The following SH3BP5 variants were observed in gnomAD, a reference collection of about 807,000 sequenced individuals.
SH3BP5 encodes SH3 domain binding protein 5, also known as SH3 domain-binding protein 5.
A neutral mutation model predicts 43.3 loss-of-function variants in SH3BP5; 22 were observed. That is an observed-to-expected ratio of 0.51 (90% CI 0.36 to 0.73). The LOEUF (loss-of-function observed/expected upper bound fraction) is 0.73, where lower values mean the gene tolerates loss of function less well. Among genes scored for constraint, SH3BP5 ranks in the 30% least tolerant of loss-of-function variants. SH3BP5 has a pLI of 0.00. For synonymous variants in SH3BP5, 255 were observed against 225.8 expected, an observed-to-expected ratio of 1.13 and a Z score of -1.16; for missense variants, 529 against 586.9, an observed-to-expected ratio of 0.90 and a Z score of 1.02.
At chr3:15,330,620 C>G in intron 1 of SH3BP5, 54 bp from the exon 2 acceptor site, 2 of 1,466,528 alleles carry the variant, frequency 1.4e-6, no homozygotes, top group Non-Finnish European at 1.8e-6. Flanking sequence ...CTTTTGTTTC[C>G]AATATAACTC....
intron 5 of SH3BP5, 90 bp from the exon 6 acceptor site, chr3:15,259,893 A>C: frequency 8.5e-7 from 1 of 1,176,694 alleles, no homozygotes; most frequent in Non-Finnish European, 1.3e-6. Flanking sequence ...ATCAGCTACC[A>C]CTGGCCAGGT....
At chr3:15,328,758 A>T (rs1423845482) in intron 2 of SH3BP5, among the ~76,000 whole-genome samples, 2 of 152,164 alleles carry the variant, frequency 1.3e-5, no homozygotes, top group African/African-American at 4.8e-5. Context: ...GCCTGGGAGT[A>T]TAAGATGGGA....
chr3:15,274,180 A>G (rs1696895054), intron 3 of SH3BP5, among the ~76,000 whole-genome samples: 1 of 152,004 alleles, frequency 6.6e-6, no homozygotes, highest in Admixed American at 6.6e-5. Flanking sequence ...CAGGAGGCGG[A>G]GGTTGCAGTG....
At chr3:15,270,349 T>C (rs1696764482) in intron 3 of SH3BP5, among the ~76,000 whole-genome samples, 1 of 152,170 alleles carries the variant, frequency 6.6e-6, no homozygotes, top group African/African-American at 2.4e-5. Context: ...ACACAGCCTT[T>C]CCTGAGATCA....
chr3:15,321,812 CAAAAA>C lies in SH3BP5; in HGVS notation c.201+8687_201+8691del, dbSNP rs35283423. Among the ~76,000 whole-genome samples, 9 of 132,260 alleles carry C rather than the reference CAAAAA, an allele frequency of 6.8e-5. 1 individual carries two copies. The South Asian group carries it at 2.2e-3, about 32-fold the overall frequency. The allele number at this position is 132,260 out of a possible 152,430, so 86.8% of individuals were successfully genotyped here. A position where few individuals can be genotyped will look rare whatever the true frequency, so the allele number is the denominator to read the frequency against. ...CCTGGATGTCACAACATCAAATTGC[CAAAAA>C]AAAAAAAAAAATCTAAAGTCTTACT... On this transcript the variant is annotated intron_variant, in intron 2 of 8. Transcript: ENST00000383791.
chr3:15,283,350 T>C (rs1222671260), intron 3 of SH3BP5, among the ~76,000 whole-genome samples: 3 of 152,158 alleles, frequency 2.0e-5, no homozygotes, highest in Non-Finnish European at 4.4e-5. Flanking sequence ...TAAGCCGAGA[T>C]TGCACCACTG....
chr3:15,290,986 T>G (rs1302538520), intron 3 of SH3BP5, among the ~76,000 whole-genome samples: 1 of 152,050 alleles, frequency 6.6e-6, no homozygotes, highest in Non-Finnish European at 1.5e-5. Flanking sequence ...AGAAGATTCT[T>G]CAGAAGAGAC....
At position 15,255,859 on chromosome 3, in the gene SH3BP5, G is replaced by A. The variant is rs970785989; in HGVS notation, c.*227C>T. On this transcript the variant is annotated 3_prime_UTR_variant, in exon 9 of 9. Transcript: ENST00000383791. Reference sequence around the variant, plus strand: ...TTATACGGAATGTTCCACAAAGGCTGTGAACCTAGTCACAGTCTACCCACA... The same window carrying A: ...TTATACGGAATGTTCCACAAAGGCTATGAACCTAGTCACAGTCTACCCACA... 15 of 522,554 alleles carry A rather than the reference G, an allele frequency of 2.9e-5. No homozygotes were observed. Among genetic ancestry groups the A allele is most frequent in the African/African-American group, 2.3e-4 (12 of 52,610 alleles). The allele number at this position is 522,554 out of a possible 1,614,324, so 32.4% of individuals were successfully genotyped here. A position where few individuals can be genotyped will look rare whatever the true frequency, so the allele number is the denominator to read the frequency against.
At chr3:15,338,375 C>T (rs372686369) in intron 1 of SH3BP5, among the ~76,000 whole-genome samples, 3 of 152,284 alleles carry the variant, frequency 2.0e-5, no homozygotes, top group African/African-American at 4.8e-5. Flanking sequence ...TTAAATGCTT[C>T]GTAACTACCT....
Position 15,329,834 on chromosome 3 carries a change from A to T in SH3BP5, c.201+670T>A, listed in dbSNP as rs528259490. Among the ~76,000 whole-genome samples, 633 of 152,332 alleles carry T rather than the reference A, an allele frequency of 4.2e-3. 1 individual carries two copies. Among genetic ancestry groups the T allele is most frequent in the Non-Finnish European group, 7.3e-3 (497 of 68,038 alleles). On this transcript the variant is annotated intron_variant, in intron 2 of 8. Coordinates refer to ENST00000383791, the MANE Select transcript of SH3BP5 (RefSeq NM_004844.5). Reference sequence around the variant, plus strand: ...GGGTGGTAAAAGCAACCACTACTGGAAAGGGGTGGGAACTAATCGGAGGCT... The same window carrying T: ...GGGTGGTAAAAGCAACCACTACTGGTAAGGGGTGGGAACTAATCGGAGGCT...
rs757535980 is a variant in SH3BP5, at chr3:15,259,743, G to GC, written c.669+17dup. On this transcript the variant is annotated intron_variant, in intron 6 of 8. Transcript: ENST00000383791. Reference sequence around the variant, plus strand: ...GCAGAAAAATCTCATCAGTGACGAAGCCCAAAGCTACACATACCTCGAGCT... The same window carrying GC: ...GCAGAAAAATCTCATCAGTGACGAAGCCCCAAAGCTACACATACCTCGAGCT... 20 of 1,613,230 alleles carry GC rather than the reference G, an allele frequency of 1.2e-5. 1 individual carries two copies. In the South Asian group the frequency reaches 2.1e-4, roughly 17 times the overall value.
intron 1 of SH3BP5, chr3:15,331,721 G>A (rs1471230407): frequency 6.6e-6 from 1 of 152,416 alleles, no homozygotes; most frequent in Non-Finnish European, 1.5e-5. Context: ...AGCCAGTGAT[G>A]ACAATAAGCC....
intron 2 of SH3BP5, among the ~76,000 whole-genome samples, chr3:15,329,586 C>T (rs1478416967): frequency 6.6e-6 from 1 of 152,176 alleles, no homozygotes; most frequent in African/African-American, 2.4e-5. Flanking sequence ...ATCAAGGCTG[C>T]CAGTGAATCC....
At chr3:15,281,777 T>G (rs1372520511) in intron 3 of SH3BP5, among the ~76,000 whole-genome samples, 2 of 152,036 alleles carry the variant, frequency 1.3e-5, no homozygotes, top group Admixed American at 6.6e-5. Context: ...CTGAGGCAGG[T>G]GGATTACATG....
chr3:15,308,712 T>C (rs1032935038), intron 2 of SH3BP5, among the ~76,000 whole-genome samples: 16 of 152,308 alleles, frequency 1.1e-4, no homozygotes, highest in African/African-American at 3.4e-4. Context: ...TCTTGTTTCT[T>C]TCTTTGCAGA....
At chr3:15,258,459 AAGTT>A (rs372816790) in intron 7 of SH3BP5, 178 of 255,272 alleles carry the variant, frequency 7.0e-4, no homozygotes, top group African/African-American at 3.8e-3. Context: ...CTGAAATACA[AAGTT>A]AGGCCCTTGC....
chr3:15,294,523 C>G (rs1223050860), intron 3 of SH3BP5, among the ~76,000 whole-genome samples: 1 of 151,998 alleles, frequency 6.6e-6, no homozygotes, highest in Non-Finnish European at 1.5e-5. Flanking sequence ...GATAATTAAC[C>G]AAGTCTGTTA....
chr3:15,337,681 G>C (rs1698717119), intron 1 of SH3BP5, among the ~76,000 whole-genome samples: 1 of 151,874 alleles, frequency 6.6e-6, no homozygotes, highest in Non-Finnish European at 1.5e-5. Context: ...CAAGGGAGGA[G>C]GATCGCTTGA....
upstream of SH3BP5, chr3:15,332,607 C>A (rs1213534594): frequency 8.4e-7 from 1 of 1,190,982 alleles, no homozygotes; most frequent in Non-Finnish European, 1.0e-6. Flanking sequence ...CGGCCGCCCC[C>A]TTTCTGCCGC....
Sources: gnomAD v4.1 joint callset for allele counts (sites outside exome capture counted in the v4.1 genomes callset) on GRCh38, gnomAD v4.1.1 for gene constraint, MANE v1.5 for transcripts, NCBI Gene and HGNC (gene_info 2026-07-23, HGNC 2026-07-21) for gene names.